Variants in UBE2G1 observed in about 807,000 individuals in gnomAD.
The protein encoded by UBE2G1 is ubiquitin conjugating enzyme E2 G1.
UBE2G1 carries 5 observed loss-of-function variants against 22.7 expected under a neutral mutation model. The observed-to-expected ratio is 0.22, with a 90% CI of 0.12 to 0.46. The LOEUF is 0.46. UBE2G1 is among the 20% of genes least tolerant of loss of function. The pLI is 0.99. For missense variants in UBE2G1, 88 were observed against 203.9 expected (o/e 0.43, Z 3.46); for synonymous variants, 74 against 67.5 (o/e 1.10, Z -0.47).
chr17:4,340,121 A>G (rs889963853), intron 1 of UBE2G1, among the ~76,000 whole-genome samples: 1 of 151,966 alleles, frequency 6.6e-6, no homozygotes, highest in African/African-American at 2.4e-5. Flanking sequence ...GGTCTCCCCT[A>G]TGTTGCCCAG....
chr17:4,329,109 G>GAAAAAA (rs56962666), intron 1 of UBE2G1, among the ~76,000 whole-genome samples: 6 of 91,752 alleles, frequency 6.5e-5, no homozygotes, highest in East Asian at 4.9e-4. Context: ...GTCTCAAAAA[G>GAAAAAA]AAAAAAAAAA....
intron 1 of UBE2G1, among the ~76,000 whole-genome samples, chr17:4,353,505 A>AT (rs1159141218): frequency 5.5e-4 from 78 of 141,188 alleles, no homozygotes; most frequent in Middle Eastern, 7.2e-3. Context: ...ACACCCCAGC[A>AT]TTTTTTTTTT....
chr17:4,303,007 T>C (rs1349475582), intron 2 of UBE2G1, among the ~76,000 whole-genome samples: 1 of 152,180 alleles, frequency 6.6e-6, no homozygotes, highest in African/African-American at 2.4e-5. Flanking sequence ...AGGAGCTTCT[T>C]TTGAGATTGT....
At chr17:4,335,338 A>C (rs1365671571) in intron 1 of UBE2G1, 1 of 152,188 alleles carries the variant, frequency 6.6e-6, no homozygotes, top group Admixed American at 6.5e-5. Context: ...CAAAGGGAAA[A>C]AAACAGTCAG....
At chr17:4,274,243 G>GCTGGA (rs1968795126) in intron 5 of UBE2G1, among the ~76,000 whole-genome samples, 1 of 136,252 alleles carries the variant, frequency 7.3e-6, no homozygotes, top group Non-Finnish European at 1.6e-5. Context: ...TGTCGCCCAG[G>GCTGGA]CTGGAGTGCA....
intron 1 of UBE2G1, among the ~76,000 whole-genome samples, chr17:4,349,874 TTAAA>T (rs1223903140): frequency 1.3e-5 from 2 of 151,220 alleles, no homozygotes; most frequent in Non-Finnish European, 2.9e-5. Context: ...TAACCTCAAA[TTAAA>T]TAAATAAAAG....
chr17:4,348,313 G>T (rs1477461253), intron 1 of UBE2G1, among the ~76,000 whole-genome samples: 1 of 151,916 alleles, frequency 6.6e-6, no homozygotes, highest in East Asian at 1.9e-4. Context: ...CAGCACTTTG[G>T]GAGGCCGAGG....
At chr17:4,341,600 C>A (rs1048966105) in intron 1 of UBE2G1, among the ~76,000 whole-genome samples, 3 of 152,188 alleles carry the variant, frequency 2.0e-5, no homozygotes, top group African/African-American at 7.2e-5. Context: ...CATGCAGACA[C>A]ATACACAAAT....
At chr17:4,320,773 T>C (rs1217150632) in intron 1 of UBE2G1, among the ~76,000 whole-genome samples, 1 of 152,136 alleles carries the variant, frequency 6.6e-6, no homozygotes, top group Non-Finnish European at 1.5e-5. Flanking sequence ...CACCACCATA[T>C]ACTATACAGA....
At chr17:4,294,091 T>C (rs1422595644) in intron 3 of UBE2G1, among the ~76,000 whole-genome samples, 1 of 152,150 alleles carries the variant, frequency 6.6e-6, no homozygotes, top group African/African-American at 2.4e-5. Flanking sequence ...GCCTAAAGAA[T>C]GAAGTTCAAG....
chr17:4,327,324 CCGTAGTGG>C (rs1027986204), intron 1 of UBE2G1, among the ~76,000 whole-genome samples: 3 of 151,004 alleles, frequency 2.0e-5, no homozygotes, highest in Admixed American at 6.6e-5. Flanking sequence ...ACAAAAATAG[CCGTAGTGG>C]CGTAGTGGCG....
intron 2 of UBE2G1, among the ~76,000 whole-genome samples, chr17:4,305,506 C>G (rs1014061132): frequency 1.3e-5 from 2 of 152,194 alleles, no homozygotes; most frequent in African/African-American, 4.8e-5. Context: ...AATTCAACAG[C>G]CAACACTTTT....
intron 1 of UBE2G1, among the ~76,000 whole-genome samples, chr17:4,334,424 A>G (rs1196522060): frequency 2.0e-5 from 3 of 152,234 alleles, no homozygotes; most frequent in Non-Finnish European, 2.9e-5. Context: ...TCATGCCATT[A>G]ATAAAACACA....
intron 1 of UBE2G1, among the ~76,000 whole-genome samples, chr17:4,336,388 C>T (rs903923355): frequency 6.6e-6 from 1 of 152,050 alleles, no homozygotes; most frequent in African/African-American, 2.4e-5. Flanking sequence ...AGCATCAACA[C>T]CCTTTCAAAA....
At chr17:4,331,428 T>C (rs926242569) in intron 1 of UBE2G1, among the ~76,000 whole-genome samples, 4 of 152,308 alleles carry the variant, frequency 2.6e-5, no homozygotes, top group African/African-American at 7.2e-5. Flanking sequence ...TAAAATACTT[T>C]ACAAGAATAT....
At chr17:4,335,503 A>G (rs1598198316) in intron 1 of UBE2G1, among the ~76,000 whole-genome samples, 1 of 152,354 alleles carries the variant, frequency 6.6e-6, no homozygotes, top group South Asian at 2.1e-4. Context: ...ACATTTTTGA[A>G]CATAAGAGCA....
rs201295780 is a variant in UBE2G1, at chr17:4,300,933, C to CAA, written c.150-4121_150-4120dup. The stretch of plus-strand genomic sequence containing the variant: ...GAGCAACAGAGTCAGACTCTGTTTT[C>CAA]AAACAAAAAAAAAAGAGAGAGAGAG... On this transcript the variant is annotated intron_variant, in intron 2 of 5. Coordinates refer to ENST00000396981, the MANE Select transcript of UBE2G1 (RefSeq NM_003342.5). 7.1e-4 allele frequency among the ~76,000 whole-genome samples: 84 copies of CAA among 117,956 alleles called. No homozygotes were observed. In the South Asian group the frequency reaches 0.015, roughly 21 times the overall value. The allele number at this position is 117,956 out of a possible 152,430, so 77.4% of individuals were successfully genotyped here. A position where few individuals can be genotyped will look rare whatever the true frequency, so the allele number is the denominator to read the frequency against.
At chr17:4,366,189 T>C in intron 1 of UBE2G1, 82 bp downstream of exon 1, 1 of 1,415,108 alleles carries the variant, frequency 7.1e-7, no homozygotes, top group Non-Finnish European at 9.3e-7. Context: ...GTACGGCCGC[T>C]GGCCCGGGAG....
intron 2 of UBE2G1, among the ~76,000 whole-genome samples, 165 bp from the exon 3 acceptor site, chr17:4,296,979 A>G (rs1969120164): frequency 6.6e-6 from 1 of 152,258 alleles, no homozygotes; most frequent in African/African-American, 2.4e-5. Context: ...AAGTAGTTTA[A>G]TAAACTGTCA....
Sources: gnomAD v4.1 joint callset for allele counts (sites outside exome capture counted in the v4.1 genomes callset) on GRCh38, gnomAD v4.1.1 for gene constraint, MANE v1.5 for transcripts, NCBI Gene and HGNC (gene_info 2026-07-23, HGNC 2026-07-21) for gene names.